RERE: variants seen among roughly 807,000 people sequenced by gnomAD.
RERE encodes arginine-glutamic acid dipeptide repeats protein.
Under a neutral mutation model 146.1 loss-of-function variants are expected in RERE, and 40 were observed. The ratio of observed to expected loss-of-function variants is 0.27; its 90% CI spans 0.21 to 0.36. RERE has a LOEUF of 0.36. RERE is among the 10% of genes least tolerant of loss of function. The probability of loss-of-function intolerance (pLI) is 1.00; values close to 1 mark genes in which losing one functional copy is unlikely to be tolerated. For synonymous variants in RERE, 1,003 were observed against 866.0 expected (o/e 1.16, Z -2.78); for missense variants, 1,933 against 2,138.7 (o/e 0.90, Z 1.90).
chr1:8,384,623 T>C (rs1384684532), intron 12 of RERE, among the ~76,000 whole-genome samples: 1 of 152,268 alleles, frequency 6.6e-6, no homozygotes. Flanking sequence ...TAAAAAGTCT[T>C]GTCACATATG....
chr1:8,710,955 A>G (rs1326776563), intron 1 of RERE, among the ~76,000 whole-genome samples: 3 of 152,102 alleles, frequency 2.0e-5, no homozygotes, highest in Admixed American at 2.0e-4. Flanking sequence ...CCAGGAGTTC[A>G]AAACCAGCCT....
In RERE at chr1:8,365,804, C is replaced by T. The variant is rs780247760; in HGVS notation, c.1447+8G>A. On this transcript the variant is annotated splice_region_variant and intron_variant, in intron 13 of 22. Coordinates refer to ENST00000400908, the MANE Select transcript of RERE (RefSeq NM_001042681.2). ...TCCGCCCACTGTGATGCCAAGACCC[C>T]TACTCACAGAATTCACTGGACGGGG... is the stretch of plus-strand genomic sequence containing the variant. 2.5e-6 allele frequency: 4 copies of T among 1,614,004 alleles called. No homozygotes were observed. Among genetic ancestry groups the T allele is most frequent in the South Asian group, 2.2e-5 (2 of 91,072 alleles).
intron 1 of RERE, among the ~76,000 whole-genome samples, chr1:8,782,585 T>C (rs996114089): frequency 2.6e-5 from 4 of 152,152 alleles, no homozygotes; most frequent in Non-Finnish European, 5.9e-5. Flanking sequence ...GAGTATCTAA[T>C]ACTACTTTAA....
At chr1:8,383,175 T>A (rs1457423138) in intron 12 of RERE, among the ~76,000 whole-genome samples, 11 of 151,738 alleles carry the variant, frequency 7.2e-5, no homozygotes, top group Admixed American at 7.2e-4. Flanking sequence ...ATCTGAAAGA[T>A]AAGCGCTGGT....
At chr1:8,670,909 C>G (rs1638697360) in intron 1 of RERE, among the ~76,000 whole-genome samples, 1 of 152,140 alleles carries the variant, frequency 6.6e-6, no homozygotes, top group Non-Finnish European at 1.5e-5. Context: ...AAGGTCGTAG[C>G]AGTGAAGGTG....
intron 12 of RERE, among the ~76,000 whole-genome samples, chr1:8,369,371 A>G (rs1641936621): frequency 6.6e-6 from 1 of 152,142 alleles, no homozygotes; most frequent in Non-Finnish European, 1.5e-5. Context: ...GAAATCTAAC[A>G]TTGAAATCAA....
intron 1 of RERE, among the ~76,000 whole-genome samples, chr1:8,681,122 G>A (rs1378249724): frequency 6.6e-6 from 1 of 152,068 alleles, no homozygotes; most frequent in Non-Finnish European, 1.5e-5. Flanking sequence ...TACAGAAAAC[G>A]CAAACTGAAA....
At chr1:8,746,604 A>G (rs954973633) in intron 1 of RERE, among the ~76,000 whole-genome samples, 1 of 152,132 alleles carries the variant, frequency 6.6e-6, no homozygotes, top group Non-Finnish European at 1.5e-5. Context: ...TTTTTGCACC[A>G]TCATAAACTT....
At chr1:8,391,072 A>T (rs1326004878) in intron 12 of RERE, among the ~76,000 whole-genome samples, 1 of 152,134 alleles carries the variant, frequency 6.6e-6, no homozygotes, top group Non-Finnish European at 1.5e-5. Flanking sequence ...TTGACCTACT[A>T]CAACCCAAAT....
At chr1:8,763,662 C>T (rs1271736815) in intron 1 of RERE, among the ~76,000 whole-genome samples, 2 of 151,548 alleles carry the variant, frequency 1.3e-5, no homozygotes, top group Non-Finnish European at 1.5e-5. Flanking sequence ...AAAACAAGAC[C>T]GGGCACGGTG....
chr1:8,573,529 G>A (rs960616655), intron 4 of RERE, among the ~76,000 whole-genome samples: 3 of 152,086 alleles, frequency 2.0e-5, no homozygotes, highest in African/African-American at 4.8e-5. Flanking sequence ...ATCACAATGT[G>A]TTCATACATT....
At chr1:8,435,284 A>G (rs971777797) in intron 11 of RERE, among the ~76,000 whole-genome samples, 1 of 152,202 alleles carries the variant, frequency 6.6e-6, no homozygotes, top group African/African-American at 2.4e-5. Context: ...TATATGAGGA[A>G]AGGGCCTTTG....
At chr1:8,491,192 G>A (rs1400513458) in intron 10 of RERE, among the ~76,000 whole-genome samples, 1 of 150,476 alleles carries the variant, frequency 6.6e-6, no homozygotes, top group Non-Finnish European at 1.5e-5. Flanking sequence ...TGTAATCCCA[G>A]AACTTTGGGA....
intron 1 of RERE, among the ~76,000 whole-genome samples, chr1:8,689,049 TA>T (rs1639151429): frequency 6.6e-6 from 1 of 152,302 alleles, no homozygotes; most frequent in Admixed American, 6.5e-5. Context: ...AAAGCTTTTT[TA>T]AAAATCTATT....
intron 1 of RERE, among the ~76,000 whole-genome samples, chr1:8,746,803 T>G (rs1452717386): frequency 9.7e-5 from 7 of 72,228 alleles, no homozygotes; most frequent in East Asian, 3.7e-4. Context: ...GGAGCGTGTA[T>G]GGGGGGGAAG....
chr1:8,385,106 T>C (rs1279198365), intron 12 of RERE, among the ~76,000 whole-genome samples: 1 of 152,218 alleles, frequency 6.6e-6, no homozygotes, highest in Non-Finnish European at 1.5e-5. Flanking sequence ...AGCATGGCCT[T>C]GGGTCTATGC....
intron 12 of RERE, among the ~76,000 whole-genome samples, chr1:8,410,616 T>C (rs1284743323): frequency 6.6e-6 from 1 of 152,230 alleles, no homozygotes; most frequent in African/African-American, 2.4e-5. Flanking sequence ...ATTCAGGTAG[T>C]GAGAAATACC....
chr1:8,566,497 G>A (rs751166778), intron 4 of RERE, among the ~76,000 whole-genome samples: 1 of 151,974 alleles, frequency 6.6e-6, no homozygotes, highest in Non-Finnish European at 1.5e-5. Context: ...GCGACCGCCT[G>A]TAATCCCAGC....
chr1:8,559,757 C>A (rs1263229014), intron 4 of RERE, among the ~76,000 whole-genome samples: 1 of 152,102 alleles, frequency 6.6e-6, no homozygotes, highest in Non-Finnish European at 1.5e-5. Context: ...CATGCATCAA[C>A]GAAGCCATTC....
Sources: gnomAD v4.1 joint callset for allele counts (sites outside exome capture counted in the v4.1 genomes callset) on GRCh38, gnomAD v4.1.1 for gene constraint, MANE v1.5 for transcripts, NCBI Gene and HGNC (gene_info 2026-07-23, HGNC 2026-07-21) for gene names.